The following NNT variants were observed in gnomAD, a reference collection of about 807,000 sequenced individuals.
The protein encoded by NNT is NAD(P) transhydrogenase, mitochondrial.
A neutral mutation model predicts 104.8 loss-of-function variants in NNT; 50 were observed. The observed-to-expected ratio is 0.48, with a 90% confidence interval of 0.38 to 0.60. The LOEUF is 0.60. Ranked by LOEUF, NNT falls within the 20% of genes least tolerant of loss-of-function variation. The pLI is 0.00. For synonymous variants in NNT, 461 were observed against 490.4 expected (o/e 0.94, Z 0.79); for missense variants, 1,131 against 1,330.7 (o/e 0.85, Z 2.33).
At chr5:43,694,772 G>GTT (rs1378069005) in intron 19 of NNT, among the ~76,000 whole-genome samples, 3 of 151,586 alleles carry the variant, frequency 2.0e-5, no homozygotes, top group African/African-American at 7.3e-5. Flanking sequence ...GTGTGTGTGT[G>GTT]TGTGTGTGTC....
rs758157066 is a variant in NNT at position 43,677,849 on chromosome 5, G to T, written c.2876+43G>T. The T allele has an allele frequency of 2.7e-6, 4 of 1,471,096 alleles. No individual in the cohort carries two copies. The African/African-American group carries it at 4.2e-5, about 15-fold the overall frequency. 91.1% of individuals were successfully genotyped at this position (1,471,096 alleles called of 1,614,324 possible). A position where few individuals can be genotyped will look rare whatever the true frequency, so the allele number is the denominator to read the frequency against. ...AGAGGCTTGCACTATGTGTAAAGAT[G>T]TGTGTGTGGAGAAAAGGAAATACAG... On this transcript the variant is annotated intron_variant, in intron 19 of 21. Transcript: ENST00000344920.
chr5:43,621,992 T>A (rs1750121001), intron 5 of NNT, among the ~76,000 whole-genome samples: 1 of 152,202 alleles, frequency 6.6e-6, no homozygotes, highest in African/African-American at 2.4e-5. Context: ...GGGTCCTCTC[T>A]TCTAGGTCAT....
intron 5 of NNT, among the ~76,000 whole-genome samples, chr5:43,622,137 C>T (rs765783297): frequency 3.3e-5 from 5 of 152,082 alleles, no homozygotes; most frequent in Admixed American, 1.3e-4. Flanking sequence ...GCACCTGGGA[C>T]GATGGCGGCA....
At chr5:43,694,217 A>T (rs879884523) in intron 19 of NNT, among the ~76,000 whole-genome samples, 5 of 152,206 alleles carry the variant, frequency 3.3e-5, no homozygotes, top group Non-Finnish European at 7.3e-5. Flanking sequence ...AAATCATGTC[A>T]TCTCCAGACA....
intron 17 of NNT, among the ~76,000 whole-genome samples, chr5:43,668,591 G>A (rs1427219743): frequency 2.6e-5 from 4 of 152,158 alleles, no homozygotes; most frequent in Non-Finnish European, 5.9e-5. Context: ...GATGGTTGTA[G>A]ATGTGTGGTA....
intron 17 of NNT, chr5:43,666,827 G>T: frequency 1.0e-5 from 14 of 1,378,626 alleles, no homozygotes; most frequent in Non-Finnish European, 1.4e-5. Context: ...ACTGAAGCTG[G>T]AGCTGCAGCC....
intron 2 of NNT, among the ~76,000 whole-genome samples, chr5:43,612,670 G>T (rs1374667638): frequency 6.6e-6 from 1 of 151,850 alleles, no homozygotes; most frequent in Non-Finnish European, 1.5e-5. Context: ...AAAGCCAATT[G>T]ATTAAATAAA....
Position 43,615,706 on chromosome 5 carries a change from G to A in NNT, c.382-142G>A, listed in dbSNP as rs192746878. ...TCTGTGTGTGCCTTATATTGCTTAA[G>A]AATTTAGTCAGAAATTATTGATGGA... On this transcript the variant is annotated intron_variant, in intron 3 of 21. Coordinates refer to ENST00000344920, the MANE Select transcript of NNT (RefSeq NM_182977.3). The A allele has an allele frequency of 1.2e-4, 89 of 734,304 alleles. 1 individual carries two copies. The African/African-American group carries it at 1.4e-3, about 11-fold the overall frequency. 45.5% of individuals were successfully genotyped at this position (734,304 alleles called of 1,614,324 possible). A position where few individuals can be genotyped will look rare whatever the true frequency, so the allele number is the denominator to read the frequency against.
chr5:43,653,237 T>C (rs777290139), intron 14 of NNT, 24 bp downstream of exon 14: 3 of 1,583,302 alleles, frequency 1.9e-6, no homozygotes, highest in South Asian at 1.1e-5. Context: ...GGCTTCTGCC[T>C]TCATGTGAAC....
chr5:43,672,614 G>A (rs1292172242), intron 17 of NNT, among the ~76,000 whole-genome samples: 3 of 151,404 alleles, frequency 2.0e-5, no homozygotes, highest in Non-Finnish European at 4.4e-5. Context: ...TTGCTGAAAA[G>A]CAATGTTGCT....
chr5:43,700,443 T>C (rs1742790585), intron 20 of NNT, among the ~76,000 whole-genome samples: 2 of 152,310 alleles, frequency 1.3e-5, no homozygotes. Flanking sequence ...CAGGTAAATT[T>C]TTCTCCTCCG....
intron 18 of NNT, among the ~76,000 whole-genome samples, chr5:43,677,282 C>T (rs73751800): frequency 0.041 from 6,273 of 151,646 alleles, 430 homozygotes; most frequent in African/African-American, 0.14. Flanking sequence ...CTTATATAAG[C>T]GGAGAAAAGA....
chr5:43,646,026 T>C (rs1739408633), intron 10 of NNT, among the ~76,000 whole-genome samples: 1 of 152,058 alleles, frequency 6.6e-6, no homozygotes, highest in Non-Finnish European at 1.5e-5. Flanking sequence ...AAGTAATATA[T>C]TAATTGTCAA....
At chr5:43,691,872 T>C (rs1580123864) in intron 19 of NNT, among the ~76,000 whole-genome samples, 1 of 152,230 alleles carries the variant, frequency 6.6e-6, no homozygotes, top group African/African-American at 2.4e-5. Flanking sequence ...CTTTCTTTGG[T>C]TCATAAAATA....
At chr5:43,652,530 T>C (rs1270410387) in intron 13 of NNT, among the ~76,000 whole-genome samples, 1 of 148,936 alleles carries the variant, frequency 6.7e-6, no homozygotes. Flanking sequence ...ATGAACAATT[T>C]TTTTTTTTTT....
At chr5:43,608,027 T>A (rs1749317390) in intron 1 of NNT, among the ~76,000 whole-genome samples, 4 of 151,934 alleles carry the variant, frequency 2.6e-5, no homozygotes, top group East Asian at 3.9e-4. Context: ...ACCTCCCAGG[T>A]TCAACCAATT....
Position 43,656,634 on chromosome 5 carries a change from A to G in NNT, c.2294-19A>G, listed in dbSNP as rs1466740728. 1 of 1,593,582 alleles carries G rather than the reference A, an allele frequency of 6.3e-7. No homozygotes were observed. The highest frequency in any genetic ancestry group is 1.4e-5 in the African/African-American group (1 of 73,994). On this transcript the variant is annotated intron_variant, in intron 15 of 21. Transcript: ENST00000344920. ...TTACAACACATTCTGAATTGTAACT[A>G]CTATGTGCTTGGCTCTAGGTCTCCT...
chr5:43,625,389 GT>G (rs1227650918), intron 6 of NNT, among the ~76,000 whole-genome samples: 1 of 152,028 alleles, frequency 6.6e-6, no homozygotes, highest in African/African-American at 2.4e-5. Flanking sequence ...AATTTATTAA[GT>G]TTGTTATACG....
At position 43,644,791 on chromosome 5, in the gene NNT, G is replaced by A; in HGVS notation, c.1279G>A (p.Val427Ile). 1 of 1,611,994 alleles carries A rather than the reference G, an allele frequency of 6.2e-7. No individual in the cohort carries two copies. Among genetic ancestry groups the A allele is most frequent in the East Asian group, 2.2e-5 (1 of 44,870 alleles). ...GTMGHVIRGTVVMKDGKVIFP... is the reference protein window; with the variant it reads ...GTMGHVIRGTIVMKDGKVIFP... Reference sequence around the variant, plus strand: ...GATGGGTCATGTCATTAGAGGAACTGTAGTGATGAAAGTAAGTAAAGAGAT... The same window carrying A: ...GATGGGTCATGTCATTAGAGGAACTATAGTGATGAAAGTAAGTAAAGAGAT... Residue 427 changes from valine to isoleucine, a missense_variant, in exon 9 of 22, where the codon GTA becomes ATA. Physicochemically the swap from Val to Ile is conservative, Grantham distance 29. Coordinates refer to ENST00000344920, the MANE Select transcript of NNT (RefSeq NM_182977.3).
Sources: allele counts gnomAD v4.1 joint callset (sites outside exome capture counted in the v4.1 genomes callset), GRCh38; gene constraint gnomAD v4.1.1; transcripts MANE v1.5; gene names NCBI Gene and HGNC (gene_info 2026-07-23, HGNC 2026-07-21).